The following SLC16A10 variants were observed in gnomAD, a reference collection of about 807,000 sequenced individuals.
SLC16A10 encodes the protein monocarboxylate transporter 10.
SLC16A10 carries 27 observed loss-of-function variants against 40.0 expected under a neutral mutation model. The observed-to-expected ratio is 0.67, with a 90% CI of 0.50 to 0.93. SLC16A10 has a LOEUF of 0.93. SLC16A10 is among the 40% of genes least tolerant of loss of function. SLC16A10 has a pLI of 0.00. For missense variants in SLC16A10, 529 were observed against 658.2 expected (o/e 0.80, Z 2.15); for synonymous variants, 213 against 249.8 (o/e 0.85, Z 1.39).
chr6:111,152,467 T>A (rs1772189870), intron 1 of SLC16A10, among the ~76,000 whole-genome samples: 1 of 152,236 alleles, frequency 6.6e-6, no homozygotes, highest in South Asian at 2.1e-4. Context: ...CAAATATTAA[T>A]CCTTAGCTCC....
intron 1 of SLC16A10, among the ~76,000 whole-genome samples, chr6:111,105,031 C>T (rs551941462): frequency 4.6e-5 from 7 of 152,152 alleles, no homozygotes; most frequent in African/African-American, 1.4e-4. Context: ...TCCAAAACTT[C>T]GTCTTAAGAC....
intron 1 of SLC16A10, among the ~76,000 whole-genome samples, chr6:111,106,119 AATTATAGGG>A (rs770976370): frequency 5.6e-4 from 85 of 152,288 alleles, no homozygotes; most frequent in South Asian, 3.7e-3. Context: ...GTTTTCTGAC[AATTATAGGG>A]AAGGGAAGAA....
chr6:111,163,336 T>C (rs965089413), intron 1 of SLC16A10, among the ~76,000 whole-genome samples: 3 of 151,200 alleles, frequency 2.0e-5, no homozygotes, highest in African/African-American at 4.9e-5. Flanking sequence ...GTATTTTTAG[T>C]AGAGACGGGG....
At chr6:111,088,353 C>T (rs1313234426) in intron 1 of SLC16A10, among the ~76,000 whole-genome samples, 1 of 152,234 alleles carries the variant, frequency 6.6e-6, no homozygotes, top group Non-Finnish European at 1.5e-5. Flanking sequence ...CCGAGATCGT[C>T]CTCCTTTCCC....
chr6:111,088,813 AT>A (rs149387555), intron 1 of SLC16A10, among the ~76,000 whole-genome samples: 14,969 of 152,198 alleles, frequency 0.098, 978 homozygotes, highest in Middle Eastern at 0.16. Context: ...AAAGGTGCAG[AT>A]TCAGCGTTTT....
At chr6:111,116,437 C>T (rs1048702656) in intron 1 of SLC16A10, among the ~76,000 whole-genome samples, 3 of 151,482 alleles carry the variant, frequency 2.0e-5, no homozygotes, top group Non-Finnish European at 4.4e-5. Context: ...AGGCTGGTCT[C>T]GAACTCCTGA....
At chr6:111,099,833 G>C (rs902859138) in intron 1 of SLC16A10, among the ~76,000 whole-genome samples, 2 of 151,796 alleles carry the variant, frequency 1.3e-5, no homozygotes, top group African/African-American at 4.8e-5. Context: ...GAGCAGCCTG[G>C]GCAACATGGT....
At position 111,226,123 on chromosome 6, in the gene SLC16A10, C is replaced by T. The variant is rs569027560; in HGVS notation, c.*3888C>T. 9.9e-5 allele frequency: 15 copies of T among 152,098 alleles called. No homozygotes were observed. Among genetic ancestry groups the T allele is most frequent in the African/African-American group, 3.6e-4 (15 of 41,490 alleles). 9.4% of individuals were successfully genotyped at this position (152,098 alleles called of 1,614,324 possible). On this transcript the variant is annotated 3_prime_UTR_variant, in exon 6 of 6. Coordinates refer to ENST00000368851, the MANE Select transcript of SLC16A10 (RefSeq NM_018593.5). ...AAATAAATTTCATACAAATTAGTAT[C>T]TTTTATGCTAACATTTAAAACTGTA...
rs1772712785 is a variant in SLC16A10 at position 111,177,681 on chromosome 6, C to T, written c.942+16C>T. The T allele has an allele frequency of 1.3e-6, 2 of 1,506,248 alleles. No individual in the cohort carries two copies. Among genetic ancestry groups the T allele is most frequent in the Non-Finnish European group, 1.8e-6 (2 of 1,128,492 alleles). 93.3% of individuals were successfully genotyped at this position (1,506,248 alleles called of 1,614,324 possible). A position where few individuals can be genotyped will look rare whatever the true frequency, so the allele number is the denominator to read the frequency against. On this transcript the variant is annotated intron_variant, in intron 3 of 5. Coordinates refer to ENST00000368851, the MANE Select transcript of SLC16A10 (RefSeq NM_018593.5). ...TGTTCACTTGGTGAGTATGCTCCTT[C>T]ACTGATCATGAATATTACTATTTAA...
At chr6:111,130,503 G>A (rs1332029436) in intron 1 of SLC16A10, among the ~76,000 whole-genome samples, 1 of 152,168 alleles carries the variant, frequency 6.6e-6, no homozygotes, top group Non-Finnish European at 1.5e-5. Context: ...AGTTGAATGA[G>A]CACTGTTGTA....
chr6:111,121,210 G>T (rs1198506148), intron 1 of SLC16A10, among the ~76,000 whole-genome samples: 1 of 152,176 alleles, frequency 6.6e-6, no homozygotes, highest in Non-Finnish European at 1.5e-5. Flanking sequence ...AGGAATTGAG[G>T]CACTCTGGTA....
chr6:111,212,946 G>A lies in SLC16A10; in HGVS notation c.1087-5868G>A, dbSNP rs184342046. ...ACTTTATTGGGACAGGAGAAGCTACGTGTGTCGTGGTATCTTTTTACTATT... is the reference window on the plus strand; with the variant it reads ...ACTTTATTGGGACAGGAGAAGCTACATGTGTCGTGGTATCTTTTTACTATT... On this transcript the variant is annotated intron_variant, in intron 4 of 5. Transcript: ENST00000368851. Among the ~76,000 whole-genome samples the A allele has an allele frequency of 2.7e-4, 41 of 152,254 alleles. 1 individual carries two copies. Among genetic ancestry groups the A allele is most frequent in the African/African-American group, 9.4e-4 (39 of 41,554 alleles).
intron 1 of SLC16A10, among the ~76,000 whole-genome samples, chr6:111,132,511 C>T (rs766062981): frequency 2.0e-5 from 3 of 152,170 alleles, no homozygotes; most frequent in Admixed American, 6.5e-5. Context: ...CAGTCGGTAG[C>T]GGCAACTGCT....
chr6:111,100,539 C>T (rs1434743009), intron 1 of SLC16A10, among the ~76,000 whole-genome samples: 1 of 152,090 alleles, frequency 6.6e-6, no homozygotes, highest in Admixed American at 6.5e-5. Flanking sequence ...CAGGCATGCA[C>T]CTCCATCCCC....
rs570349224 is a variant in SLC16A10 at position 111,115,341 on chromosome 6, C to G, written c.343+27246C>G. On this transcript the variant is annotated intron_variant, in intron 1 of 5. Coordinates refer to ENST00000368851, the MANE Select transcript of SLC16A10 (RefSeq NM_018593.5). The stretch of plus-strand genomic sequence containing the variant: ...TTCTCTGCCTCAGCCTCCTGAGTAG[C>G]TGGGATTATAGGCGCCTGCCATCAC... Among the ~76,000 whole-genome samples, 5 of 152,312 alleles carry G rather than the reference C, an allele frequency of 3.3e-5. No individual in the cohort carries two copies. The South Asian group carries it at 1.0e-3, about 32-fold the overall frequency.
chr6:111,091,726 G>A (rs896638287), intron 1 of SLC16A10, among the ~76,000 whole-genome samples: 1 of 152,068 alleles, frequency 6.6e-6, no homozygotes, highest in East Asian at 1.9e-4. Context: ...CTCTTCCCAC[G>A]CAATGGATAA....
intron 1 of SLC16A10, among the ~76,000 whole-genome samples, chr6:111,161,402 A>C (rs931525400): frequency 6.6e-6 from 1 of 151,946 alleles, no homozygotes; most frequent in Non-Finnish European, 1.5e-5. Context: ...AGGTTTCACC[A>C]GGGACCCGTT....
chr6:111,101,179 T>C (rs1304871783), intron 1 of SLC16A10, among the ~76,000 whole-genome samples: 3 of 151,602 alleles, frequency 2.0e-5, no homozygotes, highest in African/African-American at 7.3e-5. Flanking sequence ...TACAGGGGCA[T>C]GCCGCTACAC....
At chr6:111,206,491 C>T (rs1773256897) in intron 3 of SLC16A10, 101 bp from the exon 4 acceptor site, 10 of 1,275,620 alleles carry the variant, frequency 7.8e-6, no homozygotes, top group Non-Finnish European at 1.1e-5. Flanking sequence ...AAGTTGCAAG[C>T]CCATAACATT....
Sources: gnomAD v4.1 joint callset for allele counts (sites outside exome capture counted in the v4.1 genomes callset) on GRCh38, gnomAD v4.1.1 for gene constraint, MANE v1.5 for transcripts, NCBI Gene and HGNC (gene_info 2026-07-23, HGNC 2026-07-21) for gene names.